Variants in CELSR3 observed in about 807,000 individuals in gnomAD.
The protein encoded by CELSR3 is cadherin EGF LAG seven-pass G-type receptor 3.
Under a neutral mutation model 270.0 loss-of-function variants are expected in CELSR3, and 73 were observed. That is an observed-to-expected ratio of 0.27 (90% CI 0.22 to 0.33). CELSR3 has a LOEUF of 0.33. Ranked by LOEUF, CELSR3 falls within the 10% of genes least tolerant of loss-of-function variation. The pLI is 1.00. For synonymous variants in CELSR3, 1,780 were observed against 1,905.4 expected, an observed-to-expected ratio of 0.93 and a Z score of 1.71; for missense variants, 3,614 against 4,533.8, an observed-to-expected ratio of 0.80 and a Z score of 5.83.
chr3:48,648,238 G>GGGCCCCCCCACCC, intron 19 of CELSR3, 28 bp downstream of exon 19: 2 of 1,342,620 alleles, frequency 1.5e-6, no homozygotes, highest in Non-Finnish European at 2.1e-6. Flanking sequence ...CCCCTGCTGT[G>GGGCCCCCCCACCC]CCCCGCCCTA....
rs890046636 is a variant in CELSR3 at position 48,662,314 on chromosome 3, C to T, written c.321G>A (p.Glu107=). The stretch of plus-strand genomic sequence containing the variant: ...GGACGCCGTGTTCAATCCCCAGCTC[C>T]TCATTCGGCTGCTCAGGGGGCCCTC... ...NSRGPPEQPN[E]ELGIEHGVQP... The change falls in exon 1 of 35, where the codon GAG becomes GAA. Residue 107 remains glutamate, a synonymous_variant. Coordinates refer to ENST00000164024, the MANE Select transcript of CELSR3 (RefSeq NM_001407.3). This position sits in a 1 kb window ranked among gnomAD's most constrained non-coding sequence, Gnocchi z 7.1. 3 of 1,613,112 alleles carry T rather than the reference C, an allele frequency of 1.9e-6. No individual in the cohort carries two copies. The highest frequency in any genetic ancestry group is 2.2e-5 in the East Asian group (1 of 44,870).
chr3:48,656,414 G>C (rs1245247046), intron 2 of CELSR3, 49 bp from the exon 3 acceptor site: 10 of 1,377,702 alleles, frequency 7.3e-6, no homozygotes, highest in Non-Finnish European at 9.3e-6. Context: ...GCCCGCCCCT[G>C]CTCCGGCCCC....
rs751100023 is a variant in CELSR3 at position 48,649,233 on chromosome 3, CT to C, written c.6473-19del. 660 of 1,594,028 alleles carry C rather than the reference CT, an allele frequency of 4.1e-4. 3 individuals carry two copies. The highest frequency in any genetic ancestry group is 3.2e-4 in the Non-Finnish European group (379 of 1,168,626). ...AGCAGCACCTGGAGGCAGGCAACCC[CT>C]GGTCAGGCCTGGGGCCTGGATACCT... is the stretch of plus-strand genomic sequence containing the variant. On this transcript the variant is annotated intron_variant, in intron 16 of 34. Coordinates refer to ENST00000164024, the MANE Select transcript of CELSR3 (RefSeq NM_001407.3).
Position 48,657,804 on chromosome 3 carries a change from C to T in CELSR3, c.3749-456G>A, listed in dbSNP as rs539865587. The stretch of plus-strand genomic sequence containing the variant: ...CAGCATAGCAGAACCAGCAAAACAT[C>T]CCCCTCCAGAAAAGAAGGGTTCCAG... On this transcript the variant is annotated intron_variant, in intron 1 of 34. Coordinates refer to ENST00000164024, the MANE Select transcript of CELSR3 (RefSeq NM_001407.3). The surrounding 1 kb of genome is among the most constrained non-coding windows in gnomAD (Gnocchi z 5.4). Among the ~76,000 whole-genome samples, 1 of 152,154 alleles carries T rather than the reference C, an allele frequency of 6.6e-6. No individual in the cohort carries two copies. Among genetic ancestry groups the T allele is most frequent in the Non-Finnish European group, 1.5e-5 (1 of 68,000 alleles).
chr3:48,642,622 C>G lies in CELSR3; in HGVS notation c.8555+114G>C. 1 of 1,480,796 alleles carries G rather than the reference C, an allele frequency of 6.8e-7. No individual in the cohort carries two copies. The highest frequency in any genetic ancestry group is 1.4e-5 in the African/African-American group (1 of 71,988). 91.7% of individuals were successfully genotyped at this position (1,480,796 alleles called of 1,614,324 possible). A position where few individuals can be genotyped will look rare whatever the true frequency, so the allele number is the denominator to read the frequency against. ...TTAGGGCAGAGGCAGAAGCAGGGCC[C>G]CAGATGGCCAAGATGGGTGGAGCCA... is the stretch of plus-strand genomic sequence containing the variant. On this transcript the variant is annotated intron_variant, in intron 30 of 34. Coordinates refer to ENST00000164024, the MANE Select transcript of CELSR3 (RefSeq NM_001407.3). The surrounding 1 kb of genome is among the most constrained non-coding windows in gnomAD (Gnocchi z 6.1).
chr3:48,640,003 C>T lies in CELSR3; in HGVS notation c.9582G>A (p.Leu3194=). 1 of 1,612,432 alleles carries T rather than the reference C, an allele frequency of 6.2e-7. No individual in the cohort carries two copies. The highest frequency in any genetic ancestry group is 8.5e-7 in the Non-Finnish European group (1 of 1,179,956). The change falls in exon 34 of 35, where the codon CTG becomes CTA. Residue 3194 remains leucine (L), a synonymous_variant. Transcript: ENST00000164024. The surrounding 1 kb of genome is among the most constrained non-coding windows in gnomAD (Gnocchi z 7.5). ...PLLPSRPLDS[L]SRSSNSREQL... ...GCTCCCGAGAGTTCGAGCTCCTAGA[C>T]AGAGAGTCCAGCGGCCGGGATGGCA...
chr3:48,643,520 T>G, intron 28 of CELSR3, 34 bp downstream of exon 28: 1 of 1,543,452 alleles, frequency 6.5e-7, no homozygotes, highest in Non-Finnish European at 8.8e-7. Flanking sequence ...AAGGCCCACC[T>G]GGTTCTGGGG....
chr3:48,650,783 C>A lies in CELSR3; in HGVS notation c.6370+109G>T. ...GGTTCCCTGGGTGTAAGTGGTCTCC[C>A]TCAGGAGAAGCTTCCAGAGTCCCCA... On this transcript the variant is annotated intron_variant, in intron 15 of 34. Coordinates refer to ENST00000164024, the MANE Select transcript of CELSR3 (RefSeq NM_001407.3). The surrounding 1 kb of genome is among the most constrained non-coding windows in gnomAD (Gnocchi z 5.1). 7.7e-7 allele frequency: 1 copy of A among 1,304,478 alleles called. No individual in the cohort carries two copies. The highest frequency in any genetic ancestry group is 2.4e-5 in the East Asian group (1 of 42,088). 80.8% of individuals were successfully genotyped at this position (1,304,478 alleles called of 1,614,324 possible).
intron 18 of CELSR3, 32 bp from the exon 19 acceptor site, chr3:48,648,493 C>G: frequency 4.7e-6 from 7 of 1,499,852 alleles, no homozygotes; most frequent in Non-Finnish European, 6.2e-6. Context: ...TGGGTTCAGC[C>G]AGGTGGTGAG....
rs1487619609 is a variant in CELSR3, at chr3:48,644,441, C to T, written c.8086-146G>A. 37 of 735,462 alleles carry T rather than the reference C, an allele frequency of 5.0e-5. No individual in the cohort carries two copies. Among genetic ancestry groups the T allele is most frequent in the Non-Finnish European group, 4.6e-6 (2 of 438,322 alleles). The allele number at this position is 735,462 out of a possible 1,614,324, so 45.6% of individuals were successfully genotyped here. A position where few individuals can be genotyped will look rare whatever the true frequency, so the allele number is the denominator to read the frequency against. On this transcript the variant is annotated intron_variant, in intron 26 of 34. Transcript: ENST00000164024. This position sits in a 1 kb window ranked among gnomAD's most constrained non-coding sequence, Gnocchi z 4.8. The stretch of plus-strand genomic sequence containing the variant: ...CACATATACACACACACCAAAGGAG[C>T]TTAGCATCACAGAAAAAGAAATTGG...
Position 48,645,041 on chromosome 3 carries a change from G to A in CELSR3, c.7966C>T (p.Leu2656=), listed in dbSNP as rs1339345252. Residue 2656 remains leucine, a synonymous_variant, in exon 25 of 35, where the codon CTG becomes TTG. Transcript: ENST00000164024. This position sits in a 1 kb window ranked among gnomAD's most constrained non-coding sequence, Gnocchi z 5.4. ...TGGGGGTCACAGCCCTCACCCAGCA[G>A]CACAGCAGGGACGCCCCAGCCCAGG... ...HALGWGVPAV[L]LGLAVGLDPE... 1 of 1,581,024 alleles carries A rather than the reference G, an allele frequency of 6.3e-7. No homozygotes were observed.
At chr3:48,638,728 G>A (rs1348610928) in intron 34 of CELSR3, among the ~76,000 whole-genome samples, 1 of 149,128 alleles carries the variant, frequency 6.7e-6, no homozygotes, top group Non-Finnish European at 1.5e-5. Flanking sequence ...CTAGACTGCA[G>A]GGGGACCCAG....
In CELSR3 at chr3:48,660,527, C is replaced by G. The variant is rs763590076; in HGVS notation, c.2108G>C (p.Ser703Thr). 6.2e-7 allele frequency: 1 copy of G among 1,614,186 alleles called. No homozygotes were observed. Among genetic ancestry groups the G allele is most frequent in the Non-Finnish European group, 8.5e-7 (1 of 1,180,036 alleles). ...VAPDTPFVIN[S>T]ATGWVSVSGP... Reference sequence around the variant, plus strand: ...ACTCACAGAGACCCAGCCAGTGGCGCTGTTTATCACAAAAGGAGTATCAGG... The same window carrying G: ...ACTCACAGAGACCCAGCCAGTGGCGGTGTTTATCACAAAAGGAGTATCAGG... The change falls in exon 1 of 35, where the codon AGC (serine) becomes ACC (threonine). Residue 703 changes from serine (S) to threonine (T), a missense_variant. Ser to Thr is a moderately conservative substitution (Grantham distance 58). Around this residue, in one of 7 missense-constraint regions of CELSR3, gnomAD observed 215 missense variants for 241.2 expected, o/e 0.89. Coordinates refer to ENST00000164024, the MANE Select transcript of CELSR3 (RefSeq NM_001407.3). This position sits in a 1 kb window ranked among gnomAD's most constrained non-coding sequence, Gnocchi z 5.5.
At position 48,657,406 on chromosome 3, in the gene CELSR3, G is replaced by A. The variant is rs2077032851; in HGVS notation, c.3749-58C>T. 6.8e-7 allele frequency: 1 copy of A among 1,476,400 alleles called. No individual in the cohort carries two copies. The highest frequency in any genetic ancestry group is 9.0e-7 in the Non-Finnish European group (1 of 1,111,734). 91.5% of individuals were successfully genotyped at this position (1,476,400 alleles called of 1,614,324 possible). A position where few individuals can be genotyped will look rare whatever the true frequency, so the allele number is the denominator to read the frequency against. ...GGGGACAGTGGCCACCCCTCCCTGG[G>A]ACACAAGAGGGCTGGGGCCAGCGAT... is the stretch of plus-strand genomic sequence containing the variant. On this transcript the variant is annotated intron_variant, in intron 1 of 34. Coordinates refer to ENST00000164024, the MANE Select transcript of CELSR3 (RefSeq NM_001407.3). This position sits in a 1 kb window ranked among gnomAD's most constrained non-coding sequence, Gnocchi z 5.4.
At position 48,659,537 on chromosome 3, in the gene CELSR3, T is replaced by A; in HGVS notation, c.3098A>T (p.Tyr1033Phe). The A allele has an allele frequency of 6.2e-7, 1 of 1,614,198 alleles. No individual in the cohort carries two copies. The highest frequency in any genetic ancestry group is 8.5e-7 in the Non-Finnish European group (1 of 1,180,032). Residue 1033 changes from tyrosine (Y) to phenylalanine (F), a missense_variant, in exon 1 of 35, where the codon TAT becomes TTT. By Grantham distance (22) the Tyr-to-Phe change is conservative. Coordinates refer to ENST00000164024, the MANE Select transcript of CELSR3 (RefSeq NM_001407.3). The surrounding 1 kb of genome is among the most constrained non-coding windows in gnomAD (Gnocchi z 8.1). ...RRLDREAVSV[Y>F]ELTAYAVDRG... ...GTCCACTGCGTAGGCAGTCAACTCA[T>A]ACACTGATACTGCCTCCCGGTCTAG... is the stretch of plus-strand genomic sequence containing the variant.
intron 3 of CELSR3, 128 bp downstream of exon 3, chr3:48,656,012 C>T: frequency 8.3e-7 from 1 of 1,198,388 alleles, no homozygotes; most frequent in Non-Finnish European, 1.2e-6. Context: ...GGTCAGGAGA[C>T]CCCGGGCGGG....
Sources: allele counts gnomAD v4.1 joint callset (sites outside exome capture counted in the v4.1 genomes callset), GRCh38; gene constraint gnomAD v4.1.1; regional missense constraint gnomAD v4.1.1; non-coding constraint Gnocchi (gnomAD v3.1); transcripts MANE v1.5; gene names NCBI Gene and HGNC (gene_info 2026-07-23, HGNC 2026-07-21).